GRIK1: variants seen among roughly 807,000 people sequenced by gnomAD.
GRIK1 encodes the protein glutamate receptor ionotropic, kainate 1.
Under a neutral mutation model 105.7 loss-of-function variants are expected in GRIK1, and 69 were observed. The ratio of observed to expected loss-of-function variants is 0.65; its 90% CI spans 0.54 to 0.80. GRIK1 has a LOEUF of 0.80. Ranked by LOEUF, GRIK1 falls within the 30% of genes least tolerant of loss-of-function variation. GRIK1 has a pLI of 0.00. For synonymous variants in GRIK1, 438 were observed against 431.3 expected, an observed-to-expected ratio of 1.02 and a Z score of -0.19; for missense variants, 1,109 against 1,167.3, an observed-to-expected ratio of 0.95 and a Z score of 0.73.
At chr21:29,889,672 T>C (rs2069819887) in intron 1 of GRIK1, among the ~76,000 whole-genome samples, 1 of 152,074 alleles carries the variant, frequency 6.6e-6, no homozygotes, top group Non-Finnish European at 1.5e-5. Flanking sequence ...GTAAGGAAAA[T>C]CATCTCATAT....
chr21:29,596,364 G>C (rs1027936292), intron 9 of GRIK1, 162 bp downstream of exon 9: 1 of 745,836 alleles, frequency 1.3e-6, no homozygotes, highest in Non-Finnish European at 2.5e-6. Context: ...GTTGTTGAGA[G>C]AGATAACATA....
intron 2 of GRIK1, 51 bp from the exon 3 acceptor site, chr21:29,690,036 G>C (rs769563605): frequency 1.5e-6 from 2 of 1,351,044 alleles, no homozygotes; most frequent in Admixed American, 3.8e-5. Context: ...GGGAAAGGGG[G>C]AGAGAAAAAG....
intron 1 of GRIK1, among the ~76,000 whole-genome samples, chr21:29,795,182 C>T (rs1009879144): frequency 3.3e-5 from 5 of 151,592 alleles, no homozygotes; most frequent in East Asian, 3.9e-4. Context: ...ATTACAGGCA[C>T]CTGCCACCAC....
intron 1 of GRIK1, among the ~76,000 whole-genome samples, chr21:29,920,334 G>A (rs1190752470): frequency 1.3e-5 from 2 of 152,040 alleles, no homozygotes; most frequent in East Asian, 3.9e-4. Flanking sequence ...TTAATAAAGA[G>A]CTAAATTGTC....
At chr21:29,887,160 T>C (rs1184229204) in intron 1 of GRIK1, among the ~76,000 whole-genome samples, 2 of 152,240 alleles carry the variant, frequency 1.3e-5, no homozygotes, top group African/African-American at 4.8e-5. Flanking sequence ...ATTAACTCTT[T>C]CATGACACTG....
At chr21:29,811,501 G>T (rs748010069) in intron 1 of GRIK1, among the ~76,000 whole-genome samples, 5 of 152,022 alleles carry the variant, frequency 3.3e-5, no homozygotes, top group African/African-American at 7.2e-5. Flanking sequence ...TGGGCCCAAA[G>T]AAAAAAACTA....
In GRIK1 at chr21:29,936,508, A is replaced by G. The variant is rs372399070; in HGVS notation, c.118+2875T>C. On this transcript the variant is annotated intron_variant, in intron 1 of 17. Coordinates refer to ENST00000327783, the MANE Select transcript of GRIK1 (RefSeq NM_001330994.2). ...TGGTTGTTGATATACACTGGTGTAT[A>G]CAGAGAGGCAGGAATGACTCCAGCA... Among the ~76,000 whole-genome samples the G allele has an allele frequency of 2.8e-4, 43 of 152,312 alleles. No individual in the cohort carries two copies. In the Middle Eastern group the frequency reaches 0.01, roughly 36 times the overall value.
intron 15 of GRIK1, among the ~76,000 whole-genome samples, chr21:29,558,186 C>T (rs1216573984): frequency 6.6e-6 from 1 of 152,026 alleles, no homozygotes; most frequent in Non-Finnish European, 1.5e-5. Context: ...CTCTGCCAAT[C>T]TTTGATTATG....
chr21:29,578,453 T>G (rs1364641238), intron 13 of GRIK1, among the ~76,000 whole-genome samples: 1 of 152,192 alleles, frequency 6.6e-6, no homozygotes, highest in East Asian at 1.9e-4. Flanking sequence ...CAGATGCAAA[T>G]ACGGCTCAGG....
intron 1 of GRIK1, among the ~76,000 whole-genome samples, chr21:29,820,282 G>A (rs1020831118): frequency 2.0e-5 from 3 of 151,872 alleles, no homozygotes; most frequent in African/African-American, 7.3e-5. Flanking sequence ...TCATTTCTCT[G>A]TTACTGTTTT....
intron 3 of GRIK1, among the ~76,000 whole-genome samples, chr21:29,677,376 C>T (rs363546): frequency 4.6e-5 from 7 of 152,186 alleles, no homozygotes; most frequent in Non-Finnish European, 1.0e-4. Flanking sequence ...TGAATAAACG[C>T]TTTACAGAAA....
chr21:29,823,897 A>G (rs978497266), intron 1 of GRIK1, among the ~76,000 whole-genome samples: 1 of 152,014 alleles, frequency 6.6e-6, no homozygotes, highest in African/African-American at 2.4e-5. Flanking sequence ...TAGTGGCTGC[A>G]TCTTACTTTG....
intron 1 of GRIK1, among the ~76,000 whole-genome samples, chr21:29,938,017 AAGTT>A (rs2071833501): frequency 6.6e-6 from 1 of 152,208 alleles, no homozygotes; most frequent in Non-Finnish European, 1.5e-5. Context: ...TGTGTAGTAA[AAGTT>A]AGTATTTGAT....
intron 1 of GRIK1, among the ~76,000 whole-genome samples, chr21:29,919,167 G>A (rs867395023): frequency 2.0e-5 from 3 of 152,048 alleles, no homozygotes; most frequent in Admixed American, 2.0e-4. Flanking sequence ...GAGTCAAGGA[G>A]CTCAAAGCCA....
At chr21:29,885,980 TC>T (rs945912959) in intron 1 of GRIK1, among the ~76,000 whole-genome samples, 7 of 152,106 alleles carry the variant, frequency 4.6e-5, no homozygotes, top group Non-Finnish European at 8.8e-5. Context: ...AATGTATGAA[TC>T]CCTCATGGCC....
chr21:29,629,634 C>T (rs1260570229), intron 7 of GRIK1, among the ~76,000 whole-genome samples: 6 of 151,944 alleles, frequency 3.9e-5, no homozygotes, highest in Non-Finnish European at 7.4e-5. Flanking sequence ...GGACTAGAGG[C>T]GCCCGCCACC....
chr21:29,872,440 G>A (rs940144441), intron 1 of GRIK1, among the ~76,000 whole-genome samples: 3 of 151,994 alleles, frequency 2.0e-5, no homozygotes, highest in Non-Finnish European at 2.9e-5. Context: ...TGATCCGCCC[G>A]CCTCTGCCTC....
At chr21:29,782,345 C>A (rs1208240279) in intron 1 of GRIK1, among the ~76,000 whole-genome samples, 1 of 152,180 alleles carries the variant, frequency 6.6e-6, no homozygotes, top group East Asian at 1.9e-4. Flanking sequence ...CTTGGCCTCC[C>A]AAAGTGTTGG....
intron 4 of GRIK1, among the ~76,000 whole-genome samples, chr21:29,660,761 C>T (rs1178138621): frequency 2.0e-5 from 3 of 152,158 alleles, no homozygotes; most frequent in East Asian, 1.9e-4. Flanking sequence ...TAGCCTTTCT[C>T]AATATCAGGA....
Sources: allele counts gnomAD v4.1 joint callset (sites outside exome capture counted in the v4.1 genomes callset), GRCh38; gene constraint gnomAD v4.1.1; transcripts MANE v1.5; gene names NCBI Gene and HGNC (gene_info 2026-07-23, HGNC 2026-07-21).